The following RNF123 variants were observed in gnomAD, a reference collection of about 807,000 sequenced individuals.
RNF123 encodes the protein E3 ubiquitin-protein ligase RNF123.
RNF123 carries 86 observed loss-of-function variants against 168.5 expected under a neutral mutation model. The observed-to-expected ratio is 0.51, with a 90% CI of 0.43 to 0.61. RNF123 has a LOEUF of 0.61. Ranked by LOEUF, RNF123 falls within the 20% of genes least tolerant of loss-of-function variation. The pLI, the probability that RNF123 is intolerant of heterozygous loss-of-function variation, is 0.00. For synonymous variants in RNF123, 666 were observed against 689.1 expected (o/e 0.97, Z 0.52); for missense variants, 1,419 against 1,729.7 (o/e 0.82, Z 3.19).
In RNF123 at chr3:49,720,316, A is replaced by AG; in HGVS notation, c.3501-194dup. The AG allele has an allele frequency of 1.1e-5, 5 of 441,312 alleles. No homozygotes were observed. The East Asian group carries it at 1.8e-4, about 16-fold the overall frequency. 27.3% of individuals were successfully genotyped at this position (441,312 alleles called of 1,614,324 possible). ...GGGCAACAGAGCGAGACTCGTCTCA[A>AG]GAAAAAAAAAAAAAAAACAGGCTGT... On this transcript the variant is annotated intron_variant, in intron 35 of 38. Coordinates refer to ENST00000327697, the MANE Select transcript of RNF123 (RefSeq NM_022064.5).
chr3:49,693,679 C>T (rs2054213347), intron 3 of RNF123, among the ~76,000 whole-genome samples: 2 of 152,128 alleles, frequency 1.3e-5, no homozygotes, highest in Non-Finnish European at 2.9e-5. Flanking sequence ...TTTGAGGAAC[C>T]TCCAAACTGT....
chr3:49,718,745 C>T (rs756633927), intron 35 of RNF123: 46 of 1,613,012 alleles, frequency 2.9e-5, no homozygotes, highest in South Asian at 1.6e-4. Flanking sequence ...TCGCGCACGG[C>T]GCTCAGGCCC....
chr3:49,711,066 AC>A (rs1166199082), intron 26 of RNF123, among the ~76,000 whole-genome samples: 1 of 152,164 alleles, frequency 6.6e-6, no homozygotes, highest in Non-Finnish European at 1.5e-5. Context: ...TACAAAAAAA[AC>A]AAAATTTAAT....
Position 49,721,368 on chromosome 3 carries a change from T to C in RNF123, c.*63T>C. The C allele has an allele frequency of 6.2e-7, 1 of 1,606,418 alleles. No homozygotes were observed. Among genetic ancestry groups the C allele is most frequent in the Non-Finnish European group, 8.5e-7 (1 of 1,173,234 alleles). Reference sequence around the variant, plus strand: ...GAACCCAGAGCCAGGCTGGGCCCTATTTATGAGCTCCCTTTGCCCTTCTCC... The same window carrying C: ...GAACCCAGAGCCAGGCTGGGCCCTACTTATGAGCTCCCTTTGCCCTTCTCC... On this transcript the variant is annotated 3_prime_UTR_variant, in exon 39 of 39. Transcript: ENST00000327697.
intron 26 of RNF123, among the ~76,000 whole-genome samples, chr3:49,709,681 C>T (rs2080105140): frequency 6.6e-6 from 1 of 151,922 alleles, no homozygotes; most frequent in Middle Eastern, 3.5e-3. Flanking sequence ...TCAGGTGATT[C>T]GCCCGCCTCG....
In RNF123 at chr3:49,701,515, C is replaced by T. The variant is rs772182444; in HGVS notation, c.1302C>T (p.Val434=). 1.9e-6 allele frequency: 3 copies of T among 1,613,756 alleles called. No individual in the cohort carries two copies. In the South Asian group the frequency reaches 3.3e-5, roughly 18 times the overall value. The change falls in exon 16 of 39, where the codon GTC becomes GTT. Residue 434 remains valine, a synonymous_variant. Coordinates refer to ENST00000327697, the MANE Select transcript of RNF123 (RefSeq NM_022064.5). ...NVLFDVLRSV[V]FFYIKSPLRV... ...GCTTCGACGTGCTCCGCTCCGTCGT[C>T]TTCTTTTACATCAAGAGCCCCCTGC...
intron 35 of RNF123, chr3:49,718,010 G>GT: frequency 6.2e-7 from 1 of 1,613,674 alleles, no homozygotes; most frequent in Non-Finnish European, 8.5e-7. Flanking sequence ...CCAGCCTTCA[G>GT]CTGCAGGCCT....
chr3:49,716,628 C>A, intron 35 of RNF123, 151 bp downstream of exon 35: 1 of 707,080 alleles, frequency 1.4e-6, no homozygotes, highest in Non-Finnish European at 2.4e-6. Flanking sequence ...GAGGTGTGAA[C>A]GGCCTAAATA....
At position 49,720,909 on chromosome 3, in the gene RNF123, G is replaced by A. The variant is rs367919605; in HGVS notation, c.3738+15G>A. 2.4e-4 allele frequency: 382 copies of A among 1,613,634 alleles called. 2 individuals are homozygous for A. The South Asian group carries it at 3.8e-3, about 16-fold the overall frequency. ...CTGCCTCCCTGGTGAGTGGGAACAC[G>A]GTGCACAGGTCCATGCCACTTGAAT... On this transcript the variant is annotated intron_variant, in intron 37 of 38. Coordinates refer to ENST00000327697, the MANE Select transcript of RNF123 (RefSeq NM_022064.5).
At chr3:49,716,640 G>A (rs1009222175) in intron 35 of RNF123, among the ~76,000 whole-genome samples, 163 bp downstream of exon 35, 1 of 152,162 alleles carries the variant, frequency 6.6e-6, no homozygotes. Flanking sequence ...GCCTAAATAG[G>A]GGGCAGACGG....
chr3:49,706,645 G>A, intron 25 of RNF123, 146 bp from the exon 26 acceptor site: 1 of 672,316 alleles, frequency 1.5e-6, no homozygotes, highest in Non-Finnish European at 2.6e-6. Flanking sequence ...CAGAGGGTCA[G>A]TGGCAGAAGA....
At chr3:49,709,341 C>T (rs1357898316) in intron 26 of RNF123, among the ~76,000 whole-genome samples, 2 of 151,452 alleles carry the variant, frequency 1.3e-5, no homozygotes, top group East Asian at 1.9e-4. Context: ...CACTCTTTCA[C>T]CCAGGCCGGA....
chr3:49,720,052 A>G (rs750374128), intron 35 of RNF123: 1 of 159,710 alleles, frequency 6.3e-6, no homozygotes, highest in Non-Finnish European at 1.4e-5. Flanking sequence ...GCGGTGGCTC[A>G]CGCCTGTAAT....
Position 49,698,581 on chromosome 3 carries a change from T to C in RNF123, c.570+55T>C, listed in dbSNP as rs567340785. The C allele has an allele frequency of 1.9e-6, 3 of 1,593,386 alleles. No homozygotes were observed. In the Admixed American group the frequency reaches 5.0e-5, roughly 27 times the overall value. On this transcript the variant is annotated intron_variant, in intron 8 of 38. Coordinates refer to ENST00000327697, the MANE Select transcript of RNF123 (RefSeq NM_022064.5). ...CCCCATGACTGTTACTACAGCTTAT[T>C]TGGAGCCACTGGGCAGCCATAAGGG...
At chr3:49,695,603 T>G (rs2054252650) in intron 3 of RNF123, among the ~76,000 whole-genome samples, 1 of 152,210 alleles carries the variant, frequency 6.6e-6, no homozygotes, top group African/African-American at 2.4e-5. Flanking sequence ...TGGCTTACAC[T>G]GGGGAATATG....
chr3:49,721,016 G>A lies in RNF123; in HGVS notation c.3739-4G>A. 1 of 1,610,796 alleles carries A rather than the reference G, an allele frequency of 6.2e-7. No individual in the cohort carries two copies. The highest frequency in any genetic ancestry group is 8.5e-7 in the Non-Finnish European group (1 of 1,177,654). ...CAGCCCACCCTTCACTCTCCTCCCTGCAGCCCACCAGTGAGGAGGACCTCT... is the reference window on the plus strand; with the variant it reads ...CAGCCCACCCTTCACTCTCCTCCCTACAGCCCACCAGTGAGGAGGACCTCT... On this transcript the variant is annotated splice_polypyrimidine_tract_variant and splice_region_variant and intron_variant, in intron 37 of 38. Transcript: ENST00000327697.
chr3:49,716,360 G>A, intron 34 of RNF123, 33 bp from the exon 35 acceptor site: 1 of 1,604,934 alleles, frequency 6.2e-7, no homozygotes, highest in South Asian at 1.1e-5. Context: ...GGAGCATGTG[G>A]GTGGCTCATC....
chr3:49,713,267 G>A (rs998822477), intron 27 of RNF123: 6 of 594,716 alleles, frequency 1.0e-5, no homozygotes, highest in African/African-American at 1.9e-5. Flanking sequence ...TGTGTGCTGA[G>A]ATGGGTTTGA....
intron 32 of RNF123, 39 bp downstream of exon 32, chr3:49,715,753 A>T (rs2080229725): frequency 6.2e-7 from 1 of 1,614,032 alleles, no homozygotes; most frequent in Admixed American, 1.7e-5. Flanking sequence ...GGGTGGTGCA[A>T]GGGATGAGGC....
Sources: allele counts gnomAD v4.1 joint callset (sites outside exome capture counted in the v4.1 genomes callset), GRCh38; gene constraint gnomAD v4.1.1; transcripts MANE v1.5; gene names NCBI Gene and HGNC (gene_info 2026-07-23, HGNC 2026-07-21).